CUX1: variants seen among roughly 807,000 people sequenced by gnomAD.
CUX1 encodes protein CASP.
Under a neutral mutation model 158.8 loss-of-function variants are expected in CUX1, and 31 were observed. That is an observed-to-expected ratio of 0.20 (90% CI 0.15 to 0.26). The LOEUF is 0.26. CUX1 is among the 10% of genes least tolerant of loss of function. The pLI is 1.00. For synonymous variants in CUX1, 879 were observed against 862.1 expected (o/e 1.02, Z -0.34); for missense variants, 1,589 against 2,014.6 (o/e 0.79, Z 4.04).
intron 6 of CUX1, among the ~76,000 whole-genome samples, chr7:102,109,119 G>A (rs1830648982): frequency 6.6e-6 from 1 of 151,958 alleles, no homozygotes; most frequent in Non-Finnish European, 1.5e-5. Context: ...AAGAAAACTG[G>A]GGTGCATATT....
intron 1 of CUX1, among the ~76,000 whole-genome samples, chr7:101,914,780 T>C (rs1263272669): frequency 6.6e-6 from 1 of 152,114 alleles, no homozygotes; most frequent in Non-Finnish European, 1.5e-5. Context: ...ATTACAGGCG[T>C]GAGCCACCTC....
chr7:102,003,401 T>C (rs2129280278), intron 2 of CUX1, among the ~76,000 whole-genome samples: 1 of 152,038 alleles, frequency 6.6e-6, no homozygotes, highest in South Asian at 2.1e-4. Flanking sequence ...ATAAACAGTA[T>C]GACAATAAAG....
chr7:101,986,730 G>A (rs768875241), intron 2 of CUX1, among the ~76,000 whole-genome samples: 5 of 152,206 alleles, frequency 3.3e-5, no homozygotes, highest in Admixed American at 6.5e-5. Context: ...GAAATGGACC[G>A]TAAGGACCAT....
chr7:102,273,513 C>T (rs1791384686), intron 15 of CUX1: 1 of 1,598,370 alleles, frequency 6.3e-7, no homozygotes, highest in Non-Finnish European at 8.6e-7. Context: ...CCCCCCTGCC[C>T]CATGCCCATC....
intron 17 of CUX1, among the ~76,000 whole-genome samples, chr7:102,200,731 G>C (rs1795324106): frequency 6.7e-6 from 1 of 148,858 alleles, no homozygotes; most frequent in African/African-American, 2.5e-5. Flanking sequence ...TGAATACCAA[G>C]TATAAAAATT....
chr7:101,967,271 T>TC (rs202196429), intron 2 of CUX1, among the ~76,000 whole-genome samples: 2,341 of 152,286 alleles, frequency 0.015, 56 homozygotes, highest in African/African-American at 0.053. Flanking sequence ...CGCCTCAGCC[T>TC]CCCAAAGTGC....
chr7:101,965,167 C>T (rs1811011551), intron 2 of CUX1, among the ~76,000 whole-genome samples: 1 of 152,210 alleles, frequency 6.6e-6, no homozygotes, highest in Admixed American at 6.5e-5. Context: ...CGAACAGCAA[C>T]ATATGAGTCG....
chr7:102,053,711 G>C (rs1823797754), intron 3 of CUX1, among the ~76,000 whole-genome samples: 2 of 151,722 alleles, frequency 1.3e-5, no homozygotes. Flanking sequence ...TCTATGCCTG[G>C]CTAATTGTTT....
chr7:102,039,443 T>A (rs1430031309), intron 3 of CUX1, among the ~76,000 whole-genome samples: 2 of 152,126 alleles, frequency 1.3e-5, no homozygotes, highest in African/African-American at 4.8e-5. Context: ...CACTTGAGCC[T>A]GGGAGCTCCA....
chr7:102,109,764 C>T (rs1309111828), intron 6 of CUX1, among the ~76,000 whole-genome samples: 1 of 146,346 alleles, frequency 6.8e-6, no homozygotes, highest in Non-Finnish European at 1.5e-5. Context: ...GCCTGGGTGA[C>T]AGAACAAGAC....
intron 20 of CUX1, among the ~76,000 whole-genome samples, chr7:102,226,877 C>T (rs1017318112): frequency 5.3e-5 from 8 of 152,174 alleles, no homozygotes; most frequent in Non-Finnish European, 8.8e-5. Flanking sequence ...ATGATCCACT[C>T]GCCCAGCCAC....
intron 1 of CUX1, among the ~76,000 whole-genome samples, chr7:101,866,869 A>G (rs1025282394): frequency 6.6e-6 from 1 of 152,218 alleles, no homozygotes; most frequent in African/African-American, 2.4e-5. Context: ...GCGCCATGGC[A>G]TATAGGAATA....
chr7:102,256,039 G>T lies in CUX1; in HGVS notation c.*6997G>T, dbSNP rs923812009. 1 of 985,344 alleles carries T rather than the reference G, an allele frequency of 1.0e-6. No individual in the cohort carries two copies. The highest frequency in any genetic ancestry group is 1.2e-6 in the Non-Finnish European group (1 of 829,954). The allele number at this position is 985,344 out of a possible 1,614,324, so 61.0% of individuals were successfully genotyped here. A position where few individuals can be genotyped will look rare whatever the true frequency, so the allele number is the denominator to read the frequency against. ...CTGTAGTTCCGTTTGTTCATGAACC[G>T]AAGGGAAAACAGGCCTCCCCGACTC... On this transcript the variant is annotated 3_prime_UTR_variant, in exon 24 of 24. Transcript: ENST00000292535.
intron 2 of CUX1, among the ~76,000 whole-genome samples, chr7:101,920,655 C>T (rs1390731627): frequency 6.6e-6 from 1 of 152,122 alleles, no homozygotes; most frequent in African/African-American, 2.4e-5. Context: ...TCTTTTTAAT[C>T]CAGAAATTGT....
chr7:102,108,766 G>GTGTGTGTGTGTA (rs1402372187), intron 6 of CUX1, among the ~76,000 whole-genome samples: 1 of 151,702 alleles, frequency 6.6e-6, no homozygotes, highest in Admixed American at 6.6e-5. Flanking sequence ...GTGTGTGTGT[G>GTGTGTGTGTGTA]TGTGTTTTGA....
intron 1 of CUX1, among the ~76,000 whole-genome samples, chr7:101,874,467 A>G (rs949170913): frequency 3.3e-5 from 5 of 152,234 alleles, no homozygotes; most frequent in Admixed American, 2.6e-4. Context: ...GAGGAGCAGG[A>G]CACACGCACA....
chr7:102,111,589 C>T (rs1230555706), intron 6 of CUX1, 109 bp from the exon 7 acceptor site: 2 of 1,012,542 alleles, frequency 2.0e-6, no homozygotes, highest in South Asian at 2.7e-5. Context: ...CCGTGGTGCG[C>T]CTGCCGCCAG....
intron 23 of CUX1, among the ~76,000 whole-genome samples, chr7:102,244,152 G>A (rs1554536029): frequency 6.6e-6 from 1 of 152,174 alleles, no homozygotes; most frequent in African/African-American, 2.4e-5. Flanking sequence ...GCTTTGTACA[G>A]ACCAACCTGC....
rs569558599 is a variant in CUX1 at position 102,163,379 on chromosome 7, C to T, written c.723+4771C>T. Among the ~76,000 whole-genome samples the T allele has an allele frequency of 3.4e-4, 52 of 151,874 alleles. No homozygotes were observed. In the South Asian group the frequency reaches 5.6e-3, roughly 16 times the overall value. On this transcript the variant is annotated intron_variant, in intron 9 of 23. Coordinates refer to ENST00000292535, the MANE Select transcript of CUX1 (RefSeq NM_181552.4). The stretch of plus-strand genomic sequence containing the variant: ...GTGTGGTGGTGTGCACCTGTGGTCC[C>T]AGCTAACCCAGGAGGCTGAGATGGG...
Sources: allele counts gnomAD v4.1 joint callset (sites outside exome capture counted in the v4.1 genomes callset), GRCh38; gene constraint gnomAD v4.1.1; transcripts MANE v1.5; gene names NCBI Gene and HGNC (gene_info 2026-07-23, HGNC 2026-07-21).